The following RNF220 variants were observed in gnomAD, a reference collection of about 807,000 sequenced individuals.
RNF220 encodes ring finger protein 220, also known as E3 ubiquitin-protein ligase RNF220.
RNF220 carries 7 observed loss-of-function variants against 67.1 expected under a neutral mutation model. That is an observed-to-expected ratio of 0.10 (90% confidence interval 0.06 to 0.20). The LOEUF (loss-of-function observed/expected upper bound fraction) is 0.20. Among genes scored for constraint, RNF220 ranks in the 10% least tolerant of loss-of-function variants. The pLI, the probability that RNF220 is intolerant of heterozygous loss-of-function variation, is 1.00. For missense variants in RNF220, 565 were observed against 740.3 expected (o/e 0.76, Z 2.75); for synonymous variants, 270 against 283.2 (o/e 0.95, Z 0.47).
At chr1:44,531,496 C>T in intron 2 of RNF220, among the ~76,000 whole-genome samples, 1 of 152,160 alleles carries the variant, frequency 6.6e-6, no homozygotes, top group East Asian at 1.9e-4. Context: ...GCCAGTTAAC[C>T]CCATTAGACT....
intron 2 of RNF220, among the ~76,000 whole-genome samples, chr1:44,553,983 G>A (rs148358923): frequency 6.6e-6 from 1 of 152,134 alleles, no homozygotes; most frequent in Admixed American, 6.6e-5. Context: ...GAAGGAGCCA[G>A]GGCAATACTC....
At chr1:44,431,834 C>T (rs1220384878) in intron 2 of RNF220, among the ~76,000 whole-genome samples, 1 of 152,216 alleles carries the variant, frequency 6.6e-6, no homozygotes, top group Non-Finnish European at 1.5e-5. Flanking sequence ...CTCATTGATC[C>T]TGCTGCTGAT....
chr1:44,632,348 T>C lies in RNF220; in HGVS notation c.912T>C (p.Phe304=). Reference sequence around the variant, plus strand: ...TGCCCGCGATCTTCTCCCAGACCTTTCTGCGAGTACGAGCCAACCGGCAGA... The same window carrying C: ...TGCCCGCGATCTTCTCCCAGACCTTCCTGCGAGTACGAGCCAACCGGCAGA... The part of the protein sequence containing the change: ...DLHHSDRYQT[F]LRVRANRQTR... Residue 304 remains phenylalanine (F), a synonymous_variant, in exon 6 of 15, where the codon TTT becomes TTC. Transcript: ENST00000361799. The C allele has an allele frequency of 1.2e-6, 2 of 1,614,098 alleles. No homozygotes were observed. The highest frequency in any genetic ancestry group is 8.5e-7 in the Non-Finnish European group (1 of 1,180,014).
chr1:44,435,634 A>G (rs555461117), intron 2 of RNF220, among the ~76,000 whole-genome samples: 1 of 152,278 alleles, frequency 6.6e-6, no homozygotes, highest in Admixed American at 6.5e-5. Flanking sequence ...TTTCAAGTCT[A>G]AAGAGGAAGA....
In RNF220 at chr1:44,650,736, G is replaced by A. The variant is rs1230694221; in HGVS notation, c.1662G>A (p.Thr554=). Residue 554 remains threonine (T), a synonymous_variant, in exon 15 of 15, where the codon ACG becomes ACA. Coordinates refer to ENST00000361799, the MANE Select transcript of RNF220 (RefSeq NM_018150.4). The surrounding 1 kb of genome is among the most constrained non-coding windows in gnomAD (Gnocchi z 4.3). ...AGAAGCTCTGCCCTCAGTGCAACAC[G>A]ATCACAGCGCCCGGAGACCTGCGGA... ...GAKKLCPQCN[T]ITAPGDLRRI... The A allele has an allele frequency of 2.5e-6, 4 of 1,613,180 alleles. No individual in the cohort carries two copies. The highest frequency in any genetic ancestry group is 3.4e-6 in the Non-Finnish European group (4 of 1,179,798).
intron 2 of RNF220, among the ~76,000 whole-genome samples, chr1:44,564,526 G>A (rs1663831302): frequency 6.6e-6 from 1 of 152,054 alleles, no homozygotes; most frequent in African/African-American, 2.4e-5. Context: ...GCCAAGGTGG[G>A]TGGATCACCT....
At chr1:44,537,393 C>T (rs1661318593) in intron 2 of RNF220, among the ~76,000 whole-genome samples, 3 of 151,970 alleles carry the variant, frequency 2.0e-5, no homozygotes, top group African/African-American at 7.3e-5. Flanking sequence ...GTGTGTGTGT[C>T]ACAGACTCCT....
intron 2 of RNF220, among the ~76,000 whole-genome samples, chr1:44,608,007 T>A (rs988283520): frequency 8.0e-5 from 12 of 150,118 alleles, no homozygotes; most frequent in African/African-American, 1.7e-4. Flanking sequence ...CACTGCAGCC[T>A]CAAACTCCTG....
intron 2 of RNF220, among the ~76,000 whole-genome samples, chr1:44,570,135 G>T (rs558295060): frequency 2.2e-4 from 34 of 152,308 alleles, no homozygotes; most frequent in African/African-American, 8.2e-4. Flanking sequence ...GCTGAGCGAA[G>T]TTCAGACAGT....
intron 2 of RNF220, among the ~76,000 whole-genome samples, chr1:44,471,699 C>A (rs766886653): frequency 6.6e-6 from 1 of 152,146 alleles, no homozygotes; most frequent in Non-Finnish European, 1.5e-5. Flanking sequence ...GTGGCACATG[C>A]CTGTAATCCC....
At chr1:44,630,939 C>T (rs962955459) in intron 5 of RNF220, among the ~76,000 whole-genome samples, 1 of 152,228 alleles carries the variant, frequency 6.6e-6, no homozygotes, top group African/African-American at 2.4e-5. Context: ...ATAGAAAGAT[C>T]ACATTGTGTG....
intron 2 of RNF220, among the ~76,000 whole-genome samples, chr1:44,487,672 A>AAATAAT (rs537638294): frequency 8.0e-4 from 114 of 142,580 alleles, no homozygotes; most frequent in African/African-American, 2.7e-3. Flanking sequence ...ATCTCTACTA[A>AAATAAT]AATAATAATA....
At position 44,636,101 on chromosome 1, in the gene RNF220, G is replaced by T. The variant is rs199991386; in HGVS notation, c.1065G>T (p.Glu355Asp). The T allele has an allele frequency of 1.9e-6, 3 of 1,614,212 alleles. No homozygotes were observed. The highest frequency in any genetic ancestry group is 4.5e-5 in the East Asian group (2 of 44,892). The change falls in exon 8 of 15, where the codon GAG (glutamate) becomes GAT (aspartate). Residue 355 changes from glutamate to aspartate, a missense_variant. Glu to Asp is a conservative substitution (Grantham distance 45). Coordinates refer to ENST00000361799, the MANE Select transcript of RNF220 (RefSeq NM_018150.4). The part of the protein sequence containing the change: ...IEHENNNRFE[E>D]YEWCGQKRIR... ...ATGAGAACAACAACCGCTTTGAGGA[G>T]TATGAGTGGTGTGGACAGAAGCGGA...
chr1:44,433,805 A>T (rs1264211138), intron 2 of RNF220, among the ~76,000 whole-genome samples: 1 of 152,122 alleles, frequency 6.6e-6, no homozygotes, highest in African/African-American at 2.4e-5. Context: ...TCTACTAAAA[A>T]TACAAACATT....
At position 44,650,548 on chromosome 1, in the gene RNF220, T is replaced by C. The variant is rs1644764316; in HGVS notation, c.1630-156T>C. 1.2e-5 allele frequency: 9 copies of C among 723,950 alleles called. No homozygotes were observed. The East Asian group carries it at 2.4e-4, about 20-fold the overall frequency. The allele number at this position is 723,950 out of a possible 1,614,324, so 44.8% of individuals were successfully genotyped here. Reference sequence around the variant, plus strand: ...CCCCCAACACAGGAGCGTGCCTGCCTGCTCACAGAAGCTGCCTATGCGTCC... The same window carrying C: ...CCCCCAACACAGGAGCGTGCCTGCCCGCTCACAGAAGCTGCCTATGCGTCC... On this transcript the variant is annotated intron_variant, in intron 14 of 14. Transcript: ENST00000361799. The surrounding 1 kb of genome is among the most constrained non-coding windows in gnomAD (Gnocchi z 4.3).
chr1:44,531,838 G>A (rs1346788956), intron 2 of RNF220, among the ~76,000 whole-genome samples: 3 of 152,172 alleles, frequency 2.0e-5, no homozygotes, highest in Non-Finnish European at 4.4e-5. Flanking sequence ...TACTCTGATT[G>A]TTAGAAAATA....
At chr1:44,550,263 C>T (rs1227976478) in intron 2 of RNF220, among the ~76,000 whole-genome samples, 1 of 152,164 alleles carries the variant, frequency 6.6e-6, no homozygotes, top group Non-Finnish European at 1.5e-5. Context: ...AGAAGAAGCC[C>T]AGATGACCCA....
At chr1:44,591,692 C>T (rs1424312624) in intron 2 of RNF220, among the ~76,000 whole-genome samples, 1 of 152,214 alleles carries the variant, frequency 6.6e-6, no homozygotes, top group African/African-American at 2.4e-5. Context: ...TAAGTCCTCC[C>T]GGCTCTGAAA....
intron 2 of RNF220, among the ~76,000 whole-genome samples, chr1:44,597,105 G>A (rs1666552245): frequency 1.3e-5 from 2 of 152,162 alleles, no homozygotes; most frequent in African/African-American, 4.8e-5. Context: ...GTGCTATAGA[G>A]TGCATCCAGC....
Sources: gnomAD v4.1 joint callset for allele counts (sites outside exome capture counted in the v4.1 genomes callset) on GRCh38, gnomAD v4.1.1 for gene constraint, Gnocchi (gnomAD v3.1) non-coding constraint, MANE v1.5 for transcripts, NCBI Gene and HGNC (gene_info 2026-07-23, HGNC 2026-07-21) for gene names.